OLFML2B: variants seen among roughly 807,000 people sequenced by gnomAD.
OLFML2B encodes olfactomedin-like protein 2B.
A neutral mutation model predicts 74.9 loss-of-function variants in OLFML2B; 57 were observed. The ratio of observed to expected loss-of-function variants is 0.76; its 90% CI spans 0.61 to 0.95. OLFML2B has a LOEUF of 0.95. OLFML2B is among the 40% of genes least tolerant of loss of function. The probability of loss-of-function intolerance (pLI) is 0.00; values close to 1 mark genes in which losing one functional copy is unlikely to be tolerated. For synonymous variants in OLFML2B, 388 were observed against 405.8 expected (o/e 0.96, Z 0.53); for missense variants, 986 against 970.6 (o/e 1.02, Z -0.21).
intron 6 of OLFML2B, among the ~76,000 whole-genome samples, chr1:161,988,578 A>T (rs1347811544): frequency 6.8e-6 from 1 of 147,858 alleles, no homozygotes; most frequent in Non-Finnish European, 1.5e-5. Flanking sequence ...CCACCTCAGA[A>T]GGCATTTCCT....
At chr1:162,015,293 T>C (rs1345991454) in intron 3 of OLFML2B, among the ~76,000 whole-genome samples, 1 of 152,084 alleles carries the variant, frequency 6.6e-6, no homozygotes, top group African/African-American at 2.4e-5. Context: ...TGCATCAAAT[T>C]CACCCATACT....
At chr1:162,023,018 C>G (rs1335595626) in intron 1 of OLFML2B, among the ~76,000 whole-genome samples, 1 of 152,182 alleles carries the variant, frequency 6.6e-6, no homozygotes, top group Non-Finnish European at 1.5e-5. Context: ...CGAGCGGCAT[C>G]TTCCCTTCCT....
Position 162,017,659 on chromosome 1 carries a change from A to T in OLFML2B, c.439-152T>A, listed in dbSNP as rs944025025. The T allele has an allele frequency of 5.1e-6, 3 of 589,676 alleles. No homozygotes were observed. In the South Asian group the frequency reaches 6.9e-5, roughly 13 times the overall value. The allele number at this position is 589,676 out of a possible 1,614,324, so 36.5% of individuals were successfully genotyped here. On this transcript the variant is annotated intron_variant, in intron 2 of 7. Coordinates refer to ENST00000294794, the MANE Select transcript of OLFML2B (RefSeq NM_015441.3). ...GAGAAACACATTTGTGTAGACAGGG[A>T]TGTAGGCAAGCACAATGGTGTATGT...
At chr1:162,010,724 T>C (rs569239333) in intron 3 of OLFML2B, among the ~76,000 whole-genome samples, 7 of 152,102 alleles carry the variant, frequency 4.6e-5, no homozygotes, top group African/African-American at 1.7e-4. Context: ...TTTTTACAAA[T>C]AGAACCAGGG....
At chr1:162,003,536 T>C (rs1303917901) in intron 4 of OLFML2B, among the ~76,000 whole-genome samples, 1 of 152,192 alleles carries the variant, frequency 6.6e-6, no homozygotes, top group Admixed American at 6.5e-5. Context: ...CAGGCTGCAC[T>C]GGGCGGCAGC....
At chr1:161,996,109 C>T (rs1004441098) in intron 6 of OLFML2B, among the ~76,000 whole-genome samples, 1 of 152,224 alleles carries the variant, frequency 6.6e-6, no homozygotes, top group African/African-American at 2.4e-5. Context: ...TCCTCCAGGC[C>T]AGCGTTCATG....
chr1:161,994,213 G>A (rs1486738928), intron 6 of OLFML2B, among the ~76,000 whole-genome samples: 2 of 152,234 alleles, frequency 1.3e-5, no homozygotes, highest in African/African-American at 4.8e-5. Flanking sequence ...GTGACTTAGA[G>A]TCTGGGCTCT....
At chr1:162,014,959 C>T (rs1030198553) in intron 3 of OLFML2B, among the ~76,000 whole-genome samples, 6 of 152,122 alleles carry the variant, frequency 3.9e-5, no homozygotes, top group Admixed American at 1.3e-4. Context: ...AAGAAACTTA[C>T]GGGGTTGATT....
rs548055392 is a variant in OLFML2B, at chr1:162,022,049, G to C, written c.174+1208C>G. 2.6e-5 allele frequency among the ~76,000 whole-genome samples: 4 copies of C among 152,064 alleles called. 1 individual carries two copies. Among genetic ancestry groups the C allele is most frequent in the Admixed American group, 1.3e-4 (2 of 15,268 alleles). On this transcript the variant is annotated intron_variant, in intron 1 of 7. Coordinates refer to ENST00000294794, the MANE Select transcript of OLFML2B (RefSeq NM_015441.3). ...AGGCCCAGTCCTAGGGCTTGGTGGA[G>C]GTGAAGGTACAGGCAGCCCTGGAGG...
chr1:161,992,059 T>G (rs915371903), intron 6 of OLFML2B, among the ~76,000 whole-genome samples: 5 of 152,254 alleles, frequency 3.3e-5, no homozygotes, highest in African/African-American at 1.2e-4. Flanking sequence ...ATGGCTGTTT[T>G]GCCTACACTG....
chr1:161,985,847 G>A (rs1689579709), intron 6 of OLFML2B, among the ~76,000 whole-genome samples: 1 of 152,208 alleles, frequency 6.6e-6, no homozygotes, highest in Admixed American at 6.5e-5. Context: ...CGGCCACGAT[G>A]GGACAGGAAC....
At chr1:162,000,413 G>A in intron 4 of OLFML2B, 75 bp from the exon 5 acceptor site, 1 of 1,254,336 alleles carries the variant, frequency 8.0e-7, no homozygotes, top group Non-Finnish European at 1.1e-6. Flanking sequence ...GGGCAAGGCT[G>A]GAGCCAAGGC....
intron 2 of OLFML2B, among the ~76,000 whole-genome samples, chr1:162,018,184 T>G (rs1490613967): frequency 1.3e-5 from 2 of 152,154 alleles, no homozygotes; most frequent in African/African-American, 4.8e-5. Flanking sequence ...TATTAGGTAC[T>G]AGGCTTAGTA....
Position 162,023,252 on chromosome 1 carries a change from C to T in OLFML2B, c.174+5G>A, listed in dbSNP as rs766268952. ...GAAGGGCGGTCGTGGCACTCTGCAT[C>T]CTACCTGAGATAAAACGTTCTCCTG... On this transcript the variant is annotated splice_donor_5th_base_variant and intron_variant, in intron 1 of 7. Coordinates refer to ENST00000294794, the MANE Select transcript of OLFML2B (RefSeq NM_015441.3). 2 of 1,520,090 alleles carry T rather than the reference C, an allele frequency of 1.3e-6. No individual in the cohort carries two copies. The highest frequency in any genetic ancestry group is 1.8e-6 in the Non-Finnish European group (2 of 1,124,870). 94.2% of individuals were successfully genotyped at this position (1,520,090 alleles called of 1,614,324 possible). A position where few individuals can be genotyped will look rare whatever the true frequency, so the allele number is the denominator to read the frequency against.
intron 6 of OLFML2B, 197 bp from the exon 7 acceptor site, chr1:161,985,177 C>T (rs1024058574): frequency 1.0e-5 from 5 of 492,218 alleles, no homozygotes; most frequent in African/African-American, 5.9e-5. Context: ...TACACTTGAG[C>T]CTCCACCATG....
rs1359081463 is a variant in OLFML2B, at chr1:162,020,131, G to A, written c.226C>T (p.Gln76Ter). 1.9e-6 allele frequency: 3 copies of A among 1,614,068 alleles called. No individual in the cohort carries two copies. Among genetic ancestry groups the A allele is most frequent in the Non-Finnish European group, 2.5e-6 (3 of 1,180,050 alleles). ...AGGGGTCTCACCACACACTTGCACTGACAGTCCGAGCCCTCAGACATAGCC... is the reference window on the plus strand; with the variant it reads ...AGGGGTCTCACCACACACTTGCACTAACAGTCCGAGCCCTCAGACATAGCC... The part of the protein sequence containing the change: ...VKAMSEGSDC[Q>*]CKCVVRPLGR... Residue 76 changes from glutamine (Q) to a stop codon, truncating the protein, a stop_gained, in exon 2 of 8, where the codon CAG becomes TAG. Coordinates refer to ENST00000294794, the MANE Select transcript of OLFML2B (RefSeq NM_015441.3). LOFTEE classifies it high-confidence loss of function.
chr1:162,022,313 C>T (rs949822434), intron 1 of OLFML2B, among the ~76,000 whole-genome samples: 2 of 129,074 alleles, frequency 1.5e-5, no homozygotes, highest in East Asian at 2.5e-4. Flanking sequence ...TGCAGTGGCG[C>T]GATCTCCGCT....
intron 6 of OLFML2B, among the ~76,000 whole-genome samples, chr1:161,986,657 G>A (rs991741427): frequency 4.6e-5 from 7 of 152,236 alleles, no homozygotes; most frequent in African/African-American, 1.7e-4. Context: ...ACTGAGCCCT[G>A]GCAGCAGAGA....
rs1341902218 is a variant in OLFML2B, at chr1:161,984,065, GTC to G, written c.1861_1862del (p.Asp621LeufsTer18). 1 of 1,613,970 alleles carries G rather than the reference GTC, an allele frequency of 6.2e-7. No individual in the cohort carries two copies. Among genetic ancestry groups the G allele is most frequent in the Non-Finnish European group, 8.5e-7 (1 of 1,179,950 alleles). Reference sequence around the variant, plus strand: ...ATAGGCCATTCTCGTCCACAGCAAAGTCCACGTCTGAGTGGCCCTGCCATCGC... The same window carrying G: ...ATAGGCCATTCTCGTCCACAGCAAAGCACGTCTGAGTGGCCCTGCCATCGC... The part of the protein sequence containing the change: ...PWRWQGHSDV[D>X]FAVDENGLWL... On this transcript the variant is annotated frameshift_variant, in exon 8 of 8. Transcript: ENST00000294794. LOFTEE classifies it high-confidence loss of function.
Sources: gnomAD v4.1 joint callset for allele counts (sites outside exome capture counted in the v4.1 genomes callset) on GRCh38, gnomAD v4.1.1 for gene constraint, MANE v1.5 for transcripts, NCBI Gene and HGNC (gene_info 2026-07-23, HGNC 2026-07-21) for gene names.